ITIH5: variants seen among roughly 807,000 people sequenced by gnomAD.
ITIH5 encodes the protein inter-alpha-trypsin inhibitor heavy chain 5, also known as inter-alpha-trypsin inhibitor heavy chain H5.
A neutral mutation model predicts 77.5 loss-of-function variants in ITIH5; 65 were observed. That is an observed-to-expected ratio of 0.84 (90% CI 0.69 to 1.03). The LOEUF is 1.03. ITIH5 is among the 50% of genes least tolerant of loss of function. ITIH5 has a pLI of 0.00. For missense variants in ITIH5, 1,208 were observed against 1,213.1 expected (o/e 1.00, Z 0.06); for synonymous variants, 525 against 494.3 (o/e 1.06, Z -0.82).
At chr10:7,657,528 A>G (rs764663078) in intron 1 of ITIH5, among the ~76,000 whole-genome samples, 1 of 152,246 alleles carries the variant, frequency 6.6e-6, no homozygotes, top group Non-Finnish European at 1.5e-5. Context: ...ACAATTGCTC[A>G]TAATTAGAAA....
chr10:7,589,096 C>T (rs1381591813), intron 7 of ITIH5, among the ~76,000 whole-genome samples: 1 of 152,238 alleles, frequency 6.6e-6, no homozygotes, highest in Non-Finnish European at 1.5e-5. Context: ...GCTCTGTTTA[C>T]TTCTTTGTTT....
At chr10:7,604,317 C>T (rs1218223772) in intron 7 of ITIH5, among the ~76,000 whole-genome samples, 1 of 152,140 alleles carries the variant, frequency 6.6e-6, no homozygotes, top group South Asian at 2.1e-4. Context: ...TTTGATGGAG[C>T]CAGCTTCATC....
rs1410131737 is a variant in ITIH5, at chr10:7,560,210, A to G, written c.*2873T>C. 1 of 161,256 alleles carries G rather than the reference A, an allele frequency of 6.2e-6. No individual in the cohort carries two copies. The highest frequency in any genetic ancestry group is 2.4e-5 in the African/African-American group (1 of 41,472). The allele number at this position is 161,256 out of a possible 1,614,324, so 10.0% of individuals were successfully genotyped here. ...GTGAGGGCTCTGCCCTCAAGACCCAATAACCTTCCAAAGGTCCCAATTCCA... is the reference window on the plus strand; with the variant it reads ...GTGAGGGCTCTGCCCTCAAGACCCAGTAACCTTCCAAAGGTCCCAATTCCA... On this transcript the variant is annotated 3_prime_UTR_variant, in exon 14 of 14. Transcript: ENST00000397146.
chr10:7,649,458 T>A lies in ITIH5; in HGVS notation c.135+6173A>T, dbSNP rs1398754060. On this transcript the variant is annotated intron_variant, in intron 2 of 13. Transcript: ENST00000397146. ...TATATATATATGAAATCTAATCTTT[T>A]ATGTCTAAAGAGATAGGGGATATAG... 3.3e-5 allele frequency among the ~76,000 whole-genome samples: 5 copies of A among 152,088 alleles called. No individual in the cohort carries two copies. In the East Asian group the frequency reaches 5.8e-4, roughly 18 times the overall value.
At chr10:7,572,512 C>G in intron 11 of ITIH5, 2 of 1,231,512 alleles carry the variant, frequency 1.6e-6, no homozygotes, top group Non-Finnish European at 1.0e-6. Context: ...TGCTCCGGAT[C>G]TCTAAAACAA....
chr10:7,639,866 A>T (rs979607106), intron 4 of ITIH5, among the ~76,000 whole-genome samples: 5 of 152,186 alleles, frequency 3.3e-5, no homozygotes, highest in African/African-American at 1.2e-4. Context: ...ATTAGGTAAC[A>T]TCATGAAATG....
intron 7 of ITIH5, among the ~76,000 whole-genome samples, chr10:7,604,852 A>T (rs1378816836): frequency 6.6e-6 from 1 of 151,670 alleles, no homozygotes; most frequent in African/African-American, 2.4e-5. Flanking sequence ...TTTTGAATGG[A>T]GTCTGTGTCG....
rs1201214178 is a variant in ITIH5, at chr10:7,576,522, G to A, written c.1909C>T (p.His637Tyr). The A allele has an allele frequency of 4.3e-6, 7 of 1,612,244 alleles. No individual in the cohort carries two copies. In the African/African-American group the frequency reaches 9.3e-5, roughly 22 times the overall value. ...VPRMDGLEEAHGMSAAMGPEP... is the reference protein window; with the variant it reads ...VPRMDGLEEAYGMSAAMGPEP... ...GGTCCCATGGCAGCCGACATGCCGT[G>A]GGCCTCCTCCAGGCCATCCATGCGT... Residue 637 changes from histidine (H) to tyrosine (Y), a missense_variant, in exon 10 of 14, where the codon CAC becomes TAC. Coordinates refer to ENST00000397146, the MANE Select transcript of ITIH5 (RefSeq NM_030569.7).
chr10:7,661,182 G>A (rs573397423), intron 1 of ITIH5, among the ~76,000 whole-genome samples: 33 of 152,220 alleles, frequency 2.2e-4, no homozygotes, highest in African/African-American at 7.0e-4. Context: ...CCCCCATTCC[G>A]TGGAAAACTT....
At chr10:7,577,252 CATG>C in intron 9 of ITIH5, among the ~76,000 whole-genome samples, 1 of 152,054 alleles carries the variant, frequency 6.6e-6, no homozygotes, top group East Asian at 1.9e-4. Context: ...CAACCACTCT[CATG>C]ATGAGAAAAA....
Position 7,569,675 on chromosome 10 carries a change from C to T in ITIH5, c.2142G>A (p.Arg714=), listed in dbSNP as rs1832257910. ...GDILRLVSDH[R]DSGVTVNGEL... is the part of the protein sequence containing the mutation. ...GCGGAAGGTAGAACTTACCAGAGTCCCTGTGATCAGAGACCAGCCTGAGGA... is the reference window on the plus strand; with the variant it reads ...GCGGAAGGTAGAACTTACCAGAGTCTCTGTGATCAGAGACCAGCCTGAGGA... Residue 714 remains arginine, a synonymous_variant, in exon 12 of 14, where the codon AGG becomes AGA. Transcript: ENST00000397146. The T allele has an allele frequency of 1.9e-6, 3 of 1,602,162 alleles. No homozygotes were observed. The highest frequency in any genetic ancestry group is 1.7e-5 in the Admixed American group (1 of 58,106).
intron 2 of ITIH5, among the ~76,000 whole-genome samples, chr10:7,649,236 T>TCTTTCTTCTTCCTC (rs1834054089): frequency 6.6e-6 from 1 of 152,042 alleles, no homozygotes. Flanking sequence ...TCTTCTTCCT[T>TCTTTCTTCTTCCTC]CTTTCTTCTT....
At position 7,562,519 on chromosome 10, in the gene ITIH5, T is replaced by G. The variant is rs1436790762; in HGVS notation, c.*564A>C. 6.5e-6 allele frequency: 1 copy of G among 153,084 alleles called. No homozygotes were observed. The highest frequency in any genetic ancestry group is 1.5e-5 in the Non-Finnish European group (1 of 68,670). 9.5% of individuals were successfully genotyped at this position (153,084 alleles called of 1,614,324 possible). A position where few individuals can be genotyped will look rare whatever the true frequency, so the allele number is the denominator to read the frequency against. On this transcript the variant is annotated 3_prime_UTR_variant, in exon 14 of 14. Transcript: ENST00000397146. ...AAACGTCTTGCAAGAAAAGACTTCATGGTTTACAACGATCAAATGTATGGG... is the reference window on the plus strand; with the variant it reads ...AAACGTCTTGCAAGAAAAGACTTCAGGGTTTACAACGATCAAATGTATGGG...
chr10:7,608,862 T>C (rs1180729506), intron 7 of ITIH5, among the ~76,000 whole-genome samples: 1 of 152,206 alleles, frequency 6.6e-6, no homozygotes, highest in East Asian at 1.9e-4. Flanking sequence ...GCAGAACAGC[T>C]TCGTGAGTTT....
chr10:7,579,789 G>A lies in ITIH5; in HGVS notation c.1384C>T (p.His462Tyr), dbSNP rs1171337553. The change falls in exon 9 of 14, where the codon CAC becomes TAC. Residue 462 changes from histidine to tyrosine, a missense_variant. His to Tyr is a moderately conservative substitution (Grantham distance 83). Coordinates refer to ENST00000397146, the MANE Select transcript of ITIH5 (RefSeq NM_030569.7). ...TGCGAGCCTGCGTCCTCCTCCTCGT[G>A]CACGCGCCGTGTGAGGCCACAGTTC... Reference protein sequence around the residue: ...LENCGLTRRVHEEEDAGSQLI... With the variant: ...LENCGLTRRVYEEEDAGSQLI... 2 of 1,613,970 alleles carry A rather than the reference G, an allele frequency of 1.2e-6. No homozygotes were observed. Among genetic ancestry groups the A allele is most frequent in the South Asian group, 1.1e-5 (1 of 91,092 alleles).
In ITIH5 at chr10:7,601,194, GC is replaced by G; in HGVS notation, c.939+14787del. On this transcript the variant is annotated intron_variant, in intron 7 of 13. Coordinates refer to ENST00000397146, the MANE Select transcript of ITIH5 (RefSeq NM_030569.7). ...GTCATTTGGCAAACTGTAGAAATGT[GC>G]ATCATGACCACATCTAAGCAAAAGT... Among the ~76,000 whole-genome samples, 3 of 152,282 alleles carry G rather than the reference GC, an allele frequency of 2.0e-5. 1 individual carries two copies. Among genetic ancestry groups the G allele is most frequent in the Non-Finnish European group, 4.4e-5 (3 of 68,024 alleles).
intron 12 of ITIH5, among the ~76,000 whole-genome samples, chr10:7,568,091 C>T (rs1832224022): frequency 6.6e-6 from 1 of 152,158 alleles, no homozygotes; most frequent in Non-Finnish European, 1.5e-5. Flanking sequence ...GGGTTCCGTG[C>T]TGTCTGGCTG....
chr10:7,610,043 C>T (rs573918604), intron 7 of ITIH5, among the ~76,000 whole-genome samples: 28 of 150,864 alleles, frequency 1.9e-4, no homozygotes, highest in African/African-American at 5.8e-4. Flanking sequence ...TTTTTCTCCC[C>T]CCTCCCTTTC....
chr10:7,587,259 A>C (rs962806904), intron 7 of ITIH5, among the ~76,000 whole-genome samples: 4 of 152,224 alleles, frequency 2.6e-5, no homozygotes, highest in African/African-American at 9.6e-5. Flanking sequence ...AGAAGAAAGA[A>C]GCCATATGAC....
Sources: allele counts gnomAD v4.1 joint callset (sites outside exome capture counted in the v4.1 genomes callset), GRCh38; gene constraint gnomAD v4.1.1; transcripts MANE v1.5; gene names NCBI Gene and HGNC (gene_info 2026-07-23, HGNC 2026-07-21).